Variants in CHD7 observed in about 807,000 individuals in gnomAD.
CHD7 encodes ATP-dependent chromatin remodeler CHD7.
In CHD7, 24 loss-of-function variants were observed where a neutral mutation model predicts 307.3. The ratio of observed to expected loss-of-function variants is 0.08; its 90% CI spans 0.06 to 0.11. The LOEUF (loss-of-function observed/expected upper bound fraction) is 0.11. CHD7 is among the 10% of genes least tolerant of loss of function. The pLI is 1.00. For synonymous variants in CHD7, 1,363 were observed against 1,349.9 expected, an observed-to-expected ratio of 1.01 and a Z score of -0.21; for missense variants, 3,106 against 3,727.1, an observed-to-expected ratio of 0.83 and a Z score of 4.34.
intron 15 of CHD7, among the ~76,000 whole-genome samples, chr8:60,831,743 G>A (rs1586408042): frequency 6.6e-6 from 1 of 152,112 alleles, no homozygotes; most frequent in Admixed American, 6.5e-5. Flanking sequence ...ACTTGTACAC[G>A]ATGATAGTTG....
intron 1 of CHD7, among the ~76,000 whole-genome samples, chr8:60,693,875 A>G (rs1173072671): frequency 1.3e-5 from 2 of 152,232 alleles, no homozygotes; most frequent in Admixed American, 6.5e-5. Context: ...GTGAGCCCCC[A>G]TGGGGAACTG....
Position 60,742,467 on chromosome 8 carries a change from A to G in CHD7, c.1035A>G (p.Pro345=). The change falls in exon 2 of 38, where the codon CCA becomes CCG. Residue 345 remains proline (P), a synonymous_variant. Coordinates refer to ENST00000423902, the MANE Select transcript of CHD7 (RefSeq NM_017780.4). ...ATACTCCAATGAATCAGTCCGTACCAAGATACCCCAATGCTGTAGGATTCC... is the reference window on the plus strand; with the variant it reads ...ATACTCCAATGAATCAGTCCGTACCGAGATACCCCAATGCTGTAGGATTCC... ...TNNTPMNQSV[P]RYPNAVGFPS... The G allele has an allele frequency of 6.2e-7, 1 of 1,614,040 alleles. No homozygotes were observed. The highest frequency in any genetic ancestry group is 8.5e-7 in the Non-Finnish European group (1 of 1,179,888).
intron 1 of CHD7, among the ~76,000 whole-genome samples, chr8:60,717,452 T>C (rs914557686): frequency 3.3e-5 from 5 of 152,226 alleles, no homozygotes; most frequent in Admixed American, 2.0e-4. Flanking sequence ...GTTCTTGATA[T>C]AGGTCAGGCC....
At chr8:60,778,925 G>A (rs1022303130) in intron 2 of CHD7, among the ~76,000 whole-genome samples, 2 of 152,208 alleles carry the variant, frequency 1.3e-5, no homozygotes, top group Non-Finnish European at 1.5e-5. Flanking sequence ...GGATAGAGGG[G>A]CAGAGGGTAA....
chr8:60,823,433 A>AGAT (rs1463266503), intron 12 of CHD7, among the ~76,000 whole-genome samples: 1 of 145,074 alleles, frequency 6.9e-6, no homozygotes, highest in African/African-American at 2.6e-5. Context: ...ATAGATAGAT[A>AGAT]GATAGATGTG....
At chr8:60,697,371 A>C (rs1280837543) in intron 1 of CHD7, among the ~76,000 whole-genome samples, 3 of 152,214 alleles carry the variant, frequency 2.0e-5, no homozygotes, top group Non-Finnish European at 4.4e-5. Flanking sequence ...ATAGCTTCAA[A>C]GTTTTTGTCT....
chr8:60,729,853 G>T (rs1383900378), intron 1 of CHD7, among the ~76,000 whole-genome samples: 1 of 152,142 alleles, frequency 6.6e-6, no homozygotes, highest in Admixed American at 6.5e-5. Flanking sequence ...TGGACACAAT[G>T]TAGAAATTTA....
intron 2 of CHD7, among the ~76,000 whole-genome samples, chr8:60,774,145 G>T (rs574551133): frequency 1.4e-4 from 21 of 152,226 alleles, no homozygotes; most frequent in Non-Finnish European, 2.5e-4. Context: ...GGGGGTCCTG[G>T]TCACATTCCA....
At chr8:60,763,819 C>T (rs1810339796) in intron 2 of CHD7, among the ~76,000 whole-genome samples, 1 of 152,114 alleles carries the variant, frequency 6.6e-6, no homozygotes, top group African/African-American at 2.4e-5. Context: ...CCCATCCTTT[C>T]TCTGGCTTGA....
At chr8:60,695,487 G>A (rs1213060684) in intron 1 of CHD7, among the ~76,000 whole-genome samples, 2 of 152,166 alleles carry the variant, frequency 1.3e-5, no homozygotes, top group Non-Finnish European at 2.9e-5. Context: ...GCAGGTACTA[G>A]AAATTGAAGT....
At chr8:60,682,701 A>G (rs1805692033) in intron 1 of CHD7, among the ~76,000 whole-genome samples, 1 of 152,224 alleles carries the variant, frequency 6.6e-6, no homozygotes, top group Non-Finnish European at 1.5e-5. Context: ...AGGTAAGCAA[A>G]TATTCACATT....
chr8:60,787,454 G>A (rs112656240), intron 3 of CHD7, among the ~76,000 whole-genome samples: 4 of 152,274 alleles, frequency 2.6e-5, no homozygotes, highest in African/African-American at 9.6e-5. Flanking sequence ...GATACACTAT[G>A]ATAAAAGGCC....
At chr8:60,726,982 T>C (rs1372396209) in intron 1 of CHD7, among the ~76,000 whole-genome samples, 3 of 152,188 alleles carry the variant, frequency 2.0e-5, no homozygotes, top group Admixed American at 1.3e-4. Flanking sequence ...CTTCTATTAG[T>C]GTTTAATTGT....
intron 2 of CHD7, among the ~76,000 whole-genome samples, chr8:60,770,054 G>A (rs538590711): frequency 1.2e-4 from 18 of 152,320 alleles, no homozygotes; most frequent in Non-Finnish European, 2.5e-4. Flanking sequence ...ACAAGGTGCA[G>A]TGACTCTAGA....
In CHD7 at chr8:60,810,784, C is replaced by A. The variant is rs573628833; in HGVS notation, c.2498+2512C>A. Among the ~76,000 whole-genome samples, 9 of 152,258 alleles carry A rather than the reference C, an allele frequency of 5.9e-5. No individual in the cohort carries two copies. The South Asian group carries it at 1.9e-3, about 32-fold the overall frequency. On this transcript the variant is annotated intron_variant, in intron 7 of 37. Coordinates refer to ENST00000423902, the MANE Select transcript of CHD7 (RefSeq NM_017780.4). ...GGTTGGTTATTCTCTTTTCCTACCC[C>A]ACCAGTGTGGTTTGTTATTTATTTC...
At chr8:60,687,260 A>G (rs1805949956) in intron 1 of CHD7, among the ~76,000 whole-genome samples, 1 of 152,078 alleles carries the variant, frequency 6.6e-6, no homozygotes, top group African/African-American at 2.4e-5. Flanking sequence ...GCTTGCTAGC[A>G]TACTAAGTGA....
At chr8:60,757,146 T>C (rs1809940326) in intron 2 of CHD7, among the ~76,000 whole-genome samples, 1 of 152,168 alleles carries the variant, frequency 6.6e-6, no homozygotes, top group African/African-American at 2.4e-5. Context: ...TAAATGAAGA[T>C]TCCAGAGAGC....
chr8:60,813,550 T>C (rs1812909105), intron 7 of CHD7, among the ~76,000 whole-genome samples: 1 of 152,176 alleles, frequency 6.6e-6, no homozygotes, highest in African/African-American at 2.4e-5. Context: ...TTCAAATATG[T>C]GTTAACAAAA....
intron 2 of CHD7, among the ~76,000 whole-genome samples, chr8:60,780,509 T>C (rs889896163): frequency 6.6e-6 from 1 of 152,272 alleles, no homozygotes; most frequent in Non-Finnish European, 1.5e-5. Context: ...TTATGTGTTA[T>C]GTTTACACTT....
Sources: gnomAD v4.1 joint callset for allele counts (sites outside exome capture counted in the v4.1 genomes callset) on GRCh38, gnomAD v4.1.1 for gene constraint, MANE v1.5 for transcripts, NCBI Gene and HGNC (gene_info 2026-07-23, HGNC 2026-07-21) for gene names.